Variants in RHOT1 observed in about 807,000 individuals in gnomAD.
RHOT1 encodes mitochondrial Rho GTPase 1.
A neutral mutation model predicts 95.3 loss-of-function variants in RHOT1; 27 were observed. That is an observed-to-expected ratio of 0.28 (90% CI 0.21 to 0.39). The LOEUF is 0.39. Ranked by LOEUF, RHOT1 falls within the 10% of genes least tolerant of loss-of-function variation. The pLI, the probability that RHOT1 is intolerant of heterozygous loss-of-function variation, is 1.00. For missense variants in RHOT1, 578 were observed against 786.7 expected (o/e 0.73, Z 3.17); for synonymous variants, 227 against 263.5 (o/e 0.86, Z 1.34).
chr17:32,196,846 G>C (rs560454725), intron 11 of RHOT1, among the ~76,000 whole-genome samples: 3 of 152,056 alleles, frequency 2.0e-5, no homozygotes, highest in Non-Finnish European at 1.5e-5. Flanking sequence ...TTTGGGGGCC[G>C]GGTGTGGTGG....
At chr17:32,150,051 A>G (rs542940774) in intron 1 of RHOT1, among the ~76,000 whole-genome samples, 1 of 152,216 alleles carries the variant, frequency 6.6e-6, no homozygotes, top group South Asian at 2.1e-4. Context: ...GCCCCTGGCC[A>G]AAATATTAAT....
At chr17:32,155,988 A>G (rs2032928407) in intron 1 of RHOT1, among the ~76,000 whole-genome samples, 1 of 152,234 alleles carries the variant, frequency 6.6e-6, no homozygotes, top group Admixed American at 6.5e-5. Context: ...TGACAGGAAT[A>G]CTACCTTGAG....
chr17:32,142,750 C>A, intron 1 of RHOT1, 21 bp downstream of exon 1: 1 of 1,501,378 alleles, frequency 6.7e-7, no homozygotes, highest in Non-Finnish European at 8.9e-7. Context: ...ACCCTCTGGC[C>A]GGCCCCTGAG....
At chr17:32,149,591 CTATATATATA>C (rs1162059092) in intron 1 of RHOT1, among the ~76,000 whole-genome samples, 1,322 of 52,624 alleles carry the variant, frequency 0.025, 31 homozygotes, top group East Asian at 0.031. Context: ...CCCAGCAGTT[CTATATATATA>C]TATATATATA....
intron 1 of RHOT1, among the ~76,000 whole-genome samples, chr17:32,170,060 A>T (rs1329083787): frequency 6.6e-6 from 1 of 152,114 alleles, no homozygotes; most frequent in Non-Finnish European, 1.5e-5. Context: ...GTTCCTTGTT[A>T]AGAGTTTATT....
intron 19 of RHOT1, among the ~76,000 whole-genome samples, chr17:32,224,087 T>G (rs2038999025): frequency 6.6e-6 from 1 of 152,206 alleles, no homozygotes; most frequent in Non-Finnish European, 1.5e-5. Flanking sequence ...CCCTTCGGGT[T>G]TTTTGGGGGG....
At chr17:32,180,284 T>C (rs553408337) in intron 6 of RHOT1, among the ~76,000 whole-genome samples, 3 of 152,168 alleles carry the variant, frequency 2.0e-5, no homozygotes, top group East Asian at 1.9e-4. Flanking sequence ...GAAGTAGATA[T>C]AGGAGACTCC....
At chr17:32,196,609 A>G (rs2036910551) in intron 11 of RHOT1, among the ~76,000 whole-genome samples, 3 of 152,056 alleles carry the variant, frequency 2.0e-5, no homozygotes, top group South Asian at 4.2e-4. Context: ...CACCAAGCAT[A>G]TGTTCTTTTC....
chr17:32,156,014 G>C (rs535240734), intron 1 of RHOT1, among the ~76,000 whole-genome samples: 1 of 152,220 alleles, frequency 6.6e-6, no homozygotes, highest in Admixed American at 6.5e-5. Flanking sequence ...TGAAGGTTTG[G>C]GATTGCTGGA....
chr17:32,191,936 C>A (rs890037890), intron 8 of RHOT1, among the ~76,000 whole-genome samples: 1 of 152,102 alleles, frequency 6.6e-6, no homozygotes, highest in Admixed American at 6.6e-5. Context: ...AAAAATGAAT[C>A]CCTCCTAAAG....
chr17:32,148,264 TCAAAAAA>T (rs2031683866), intron 1 of RHOT1, among the ~76,000 whole-genome samples: 1 of 152,010 alleles, frequency 6.6e-6, no homozygotes. Context: ...GACTCCCATC[TCAAAAAA>T]CAAAAAAGAA....
chr17:32,142,571 G>A lies in RHOT1; in HGVS notation c.-122G>A. 1 of 757,804 alleles carries A rather than the reference G, an allele frequency of 1.3e-6. No individual in the cohort carries two copies. The highest frequency in any genetic ancestry group is 3.3e-5 in the East Asian group (1 of 29,980). 46.9% of individuals were successfully genotyped at this position (757,804 alleles called of 1,614,324 possible). ...TCTCTTGCGGGGAAGCAACTGAGGG[G>A]GCGGCGCGGCGGGCCCCGGCGGCCG... is the stretch of plus-strand genomic sequence containing the variant. On this transcript the variant is annotated 5_prime_UTR_variant, in exon 1 of 20. Transcript: ENST00000545287.
intron 14 of RHOT1, among the ~76,000 whole-genome samples, chr17:32,201,997 C>T (rs1007852975): frequency 6.6e-6 from 1 of 152,014 alleles, no homozygotes; most frequent in African/African-American, 2.4e-5. Flanking sequence ...CTGCAACCTC[C>T]GCCTCCTGGG....
chr17:32,192,186 C>G lies in RHOT1; in HGVS notation c.541-15C>G, dbSNP rs993010766. ...CACAGTTTAAACAATTATTTCTTTT[C>G]TCAATGATTTATAGATGAAACCAGC... is the stretch of plus-strand genomic sequence containing the variant. On this transcript the variant is annotated splice_polypyrimidine_tract_variant and intron_variant, in intron 8 of 19. Transcript: ENST00000545287. 8.4e-7 allele frequency: 1 copy of G among 1,188,230 alleles called. No homozygotes were observed. The highest frequency in any genetic ancestry group is 1.2e-6 in the Non-Finnish European group (1 of 822,016). 73.6% of individuals were successfully genotyped at this position (1,188,230 alleles called of 1,614,324 possible). A position where few individuals can be genotyped will look rare whatever the true frequency, so the allele number is the denominator to read the frequency against.
rs1288625682 is a variant in RHOT1, at chr17:32,150,717, C to A, written c.37+7988C>A. 30 of 1,604,130 alleles carry A rather than the reference C, an allele frequency of 1.9e-5. 2 individuals carry two copies. The Admixed American group carries it at 3.9e-4, about 21-fold the overall frequency. On this transcript the variant is annotated intron_variant, in intron 1 of 19. Transcript: ENST00000545287. Reference sequence around the variant, plus strand: ...GGGATATGTCATAGGCATCAGAGTACAAAGCAGGAACTGAGGCCACCAGCC... The same window carrying A: ...GGGATATGTCATAGGCATCAGAGTAAAAAGCAGGAACTGAGGCCACCAGCC...
chr17:32,152,830 G>A (rs2032484074), intron 1 of RHOT1, among the ~76,000 whole-genome samples: 2 of 151,646 alleles, frequency 1.3e-5, no homozygotes, highest in South Asian at 4.2e-4. Context: ...TTGAGACAGG[G>A]CCTCACTCGG....
intron 4 of RHOT1, 138 bp downstream of exon 4, chr17:32,175,500 G>A: frequency 1.2e-6 from 1 of 858,550 alleles, no homozygotes. Flanking sequence ...CACCCACTCT[G>A]TCACCCAGTG....
intron 1 of RHOT1, among the ~76,000 whole-genome samples, chr17:32,160,951 TTGG>T (rs1474111934): frequency 2.6e-5 from 4 of 152,132 alleles, no homozygotes; most frequent in Non-Finnish European, 1.5e-5. Context: ...AAGTTTCCAG[TTGG>T]TGAAGTGACT....
chr17:32,221,527 A>G (rs9894972), intron 19 of RHOT1, among the ~76,000 whole-genome samples: 5,129 of 152,256 alleles, frequency 0.034, 280 homozygotes, highest in African/African-American at 0.12. Context: ...TTAAGCAATG[A>G]TAAGCGTGCC....
Sources: allele counts gnomAD v4.1 joint callset (sites outside exome capture counted in the v4.1 genomes callset), GRCh38; gene constraint gnomAD v4.1.1; transcripts MANE v1.5; gene names NCBI Gene and HGNC (gene_info 2026-07-23, HGNC 2026-07-21).